Variants in PRPS2 observed in about 807,000 individuals in gnomAD.
The protein encoded by PRPS2 is phosphoribosyl pyrophosphate synthetase 2.
For synonymous variants in PRPS2, 111 were observed against 115.3 expected, an observed-to-expected ratio of 0.96 and a Z score of 0.24; for missense variants, 104 against 271.5, an observed-to-expected ratio of 0.38 and a Z score of 4.34.
At chrX:12,821,681 AATAGATAG>A (rs1172559157) in intron 6 of PRPS2, among the ~76,000 whole-genome samples, 1 of 112,129 alleles carries the variant, frequency 8.9e-6, no homozygotes, top group African/African-American at 3.2e-5. Context: ...CAGATAGATA[AATAGATAG>A]ATACATAGAT....
In PRPS2 at chrX:12,823,037, T is replaced by C. The variant is rs1366764256; in HGVS notation, c.*241T>C. 3 of 333,463 alleles carry C rather than the reference T, an allele frequency of 9.0e-6. No homozygotes were observed. The highest frequency in any genetic ancestry group is 1.5e-5 in the Non-Finnish European group (3 of 194,274). 27.5% of individuals were successfully genotyped at this position (333,463 alleles called of 1,213,427 possible). ...TGAACTGTCTTAAATGAGAAACGTT[T>C]TTGTCATTTTGACTTTTAACAGGTA... On this transcript the variant is annotated 3_prime_UTR_variant, in exon 7 of 7. Transcript: ENST00000380668.
At chrX:12,797,297 G>A (rs910284827) in intron 1 of PRPS2, among the ~76,000 whole-genome samples, 3 of 109,925 alleles carry the variant, frequency 2.7e-5, no homozygotes, top group Admixed American at 9.7e-5. Context: ...GGCAGAGGTC[G>A]GAGTGAGCTG....
At chrX:12,805,810 C>G (rs1289957917) in intron 2 of PRPS2, among the ~76,000 whole-genome samples, 1 of 112,087 alleles carries the variant, frequency 8.9e-6, no homozygotes, top group Non-Finnish European at 1.9e-5. Flanking sequence ...TGGTGGCTCA[C>G]ACATGTAATC....
chrX:12,821,759 G>A (rs1321299159), intron 6 of PRPS2, among the ~76,000 whole-genome samples: 5 of 112,363 alleles, frequency 4.4e-5, no homozygotes, highest in Non-Finnish European at 1.9e-5. Flanking sequence ...CTGAGCTGAG[G>A]ATCTTCAGAG....
intron 4 of PRPS2, among the ~76,000 whole-genome samples, chrX:12,819,182 C>G (rs1353325775): frequency 3.5e-5 from 4 of 112,955 alleles, no homozygotes; most frequent in Non-Finnish European, 7.5e-5. Flanking sequence ...AAATAACTTA[C>G]TTTAAGTTGT....
rs16998976 is a variant in PRPS2 at position 12,823,569 on chromosome X, A to G, written c.*773A>G. The G allele has an allele frequency of 5.7e-3, 641 of 111,843 alleles. 7 individuals are homozygous for G. The highest frequency in any genetic ancestry group is 0.019 in the African/African-American group (594 of 30,831). 9.2% of individuals were successfully genotyped at this position (111,843 alleles called of 1,213,427 possible). A position where few individuals can be genotyped will look rare whatever the true frequency, so the allele number is the denominator to read the frequency against. Reference sequence around the variant, plus strand: ...GAGCAATCGCCAAGGCCTAAAGCCAACTGACTTAAAGGTAATCATTTCAGC... The same window carrying G: ...GAGCAATCGCCAAGGCCTAAAGCCAGCTGACTTAAAGGTAATCATTTCAGC... On this transcript the variant is annotated 3_prime_UTR_variant, in exon 7 of 7. Coordinates refer to ENST00000380668, the MANE Select transcript of PRPS2 (RefSeq NM_002765.5).
In PRPS2 at chrX:12,823,319, T is replaced by TTC. The variant is rs2042685281; in HGVS notation, c.*524_*525insCT. ...ATACCATGGATTTTGAATTTTCCTTTTTTTTTTTTTTTTGGATAACTCAGT... is the reference window on the plus strand; with the variant it reads ...ATACCATGGATTTTGAATTTTCCTTTTCTTTTTTTTTTTTTGGATAACTCAGT... On this transcript the variant is annotated 3_prime_UTR_variant, in exon 7 of 7. Transcript: ENST00000380668. 9.4e-6 allele frequency: 1 copy of TTC among 105,922 alleles called. No homozygotes were observed. Among genetic ancestry groups the TTC allele is most frequent in the Non-Finnish European group, 1.9e-5 (1 of 51,356 alleles). 8.7% of individuals were successfully genotyped at this position (105,922 alleles called of 1,213,427 possible). A position where few individuals can be genotyped will look rare whatever the true frequency, so the allele number is the denominator to read the frequency against.
At chrX:12,807,017 T>C (rs2042596795) in intron 2 of PRPS2, among the ~76,000 whole-genome samples, 1 of 111,035 alleles carries the variant, frequency 9.0e-6, no homozygotes, top group African/African-American at 3.3e-5. Flanking sequence ...GATCACACCA[T>C]TGCACTCCAG....
At chrX:12,809,155 C>T in intron 2 of PRPS2, 79 bp from the exon 3 acceptor site, 5 of 894,564 alleles carry the variant, frequency 5.6e-6, no homozygotes, top group African/African-American at 2.0e-5. Context: ...ATGATTTATC[C>T]TTCTCATGTA....
intron 1 of PRPS2, 126 bp downstream of exon 1, chrX:12,791,745 G>C (rs1450436440): frequency 1.7e-5 from 12 of 689,786 alleles, no homozygotes; most frequent in Non-Finnish European, 2.1e-5. Flanking sequence ...GGGGCGGGAC[G>C]GTGGCAACGC....
chrX:12,792,264 G>C (rs1410716853), intron 1 of PRPS2, among the ~76,000 whole-genome samples: 1 of 112,428 alleles, frequency 8.9e-6, no homozygotes, highest in African/African-American at 3.2e-5. Context: ...GCAGACCACT[G>C]CGTTATCCAG....
rs1226725256 is a variant in PRPS2, at chrX:12,799,400, G to A, written c.306+10G>A. The A allele has an allele frequency of 8.3e-7, 1 of 1,200,927 alleles. No individual in the cohort carries two copies. The highest frequency in any genetic ancestry group is 3.0e-5 in the East Asian group (1 of 33,399). ...AGATAAAAAGGACAAGGTAGGAGAG[G>A]TGTGTGCCCTAGAAACCTGCTGTGG... On this transcript the variant is annotated intron_variant, in intron 2 of 6. Coordinates refer to ENST00000380668, the MANE Select transcript of PRPS2 (RefSeq NM_002765.5).
At chrX:12,792,190 G>A (rs2042522977) in intron 1 of PRPS2, among the ~76,000 whole-genome samples, 1 of 112,683 alleles carries the variant, frequency 8.9e-6, no homozygotes, top group Non-Finnish European at 1.9e-5. Context: ...CCAAGGGTTT[G>A]ATCCAACGGG....
intron 4 of PRPS2, among the ~76,000 whole-genome samples, chrX:12,816,593 A>G (rs955945003): frequency 1.8e-5 from 2 of 111,734 alleles, no homozygotes; most frequent in African/African-American, 6.5e-5. Flanking sequence ...GTGAGCCACC[A>G]TGCTTAGCTA....
rs2042683096 is a variant in PRPS2, at chrX:12,822,954, C to T, written c.*158C>T. The T allele has an allele frequency of 2.3e-6, 1 of 444,155 alleles. No individual in the cohort carries two copies. Among genetic ancestry groups the T allele is most frequent in the Admixed American group, 4.2e-5 (1 of 23,905 alleles). 36.6% of individuals were successfully genotyped at this position (444,155 alleles called of 1,213,427 possible). On this transcript the variant is annotated 3_prime_UTR_variant, in exon 7 of 7. Transcript: ENST00000380668. Reference sequence around the variant, plus strand: ...AGATTTATTGTTTCCCCTTCTAAAGCTCAAGATCATTTCTTTCCAGTTTTT... The same window carrying T: ...AGATTTATTGTTTCCCCTTCTAAAGTTCAAGATCATTTCTTTCCAGTTTTT...
chrX:12,818,833 C>T (rs1399894151), intron 4 of PRPS2, among the ~76,000 whole-genome samples: 1 of 111,230 alleles, frequency 9.0e-6, no homozygotes, highest in African/African-American at 3.3e-5. Context: ...ACTTTCTCTT[C>T]CTGTTGGCAG....
At chrX:12,809,602 T>G (rs915158332) in intron 3 of PRPS2, among the ~76,000 whole-genome samples, 7 of 112,139 alleles carry the variant, frequency 6.2e-5, no homozygotes, top group African/African-American at 1.6e-4. Flanking sequence ...ACGGCAGTCA[T>G]AATGTACACT....
chrX:12,803,324 G>A (rs920942828), intron 2 of PRPS2, among the ~76,000 whole-genome samples: 5 of 112,346 alleles, frequency 4.5e-5, no homozygotes, highest in South Asian at 3.7e-4. Flanking sequence ...GTCTCGCTTC[G>A]TCACCCAGGC....
chrX:12,814,151 T>C (rs2042637315), intron 4 of PRPS2, among the ~76,000 whole-genome samples: 1 of 109,203 alleles, frequency 9.2e-6, no homozygotes, highest in African/African-American at 3.4e-5. Context: ...TCTTTCATCA[T>C]ATACAGAGTT....
Sources: gnomAD v4.1 joint callset for allele counts (sites outside exome capture counted in the v4.1 genomes callset) on GRCh38, gnomAD v4.1.1 for gene constraint, MANE v1.5 for transcripts, NCBI Gene and HGNC (gene_info 2026-07-23, HGNC 2026-07-21) for gene names.